The following CAMK2B variants were observed in gnomAD, a reference collection of about 807,000 sequenced individuals.
CAMK2B encodes the protein calcium/calmodulin-dependent protein kinase type II subunit beta.
CAMK2B carries 27 observed loss-of-function variants against 93.7 expected under a neutral mutation model. The observed-to-expected ratio is 0.29, with a 90% CI of 0.21 to 0.40. CAMK2B has a LOEUF of 0.40. Ranked by LOEUF, CAMK2B falls within the 10% of genes least tolerant of loss-of-function variation. The pLI is 1.00. For missense variants in CAMK2B, 568 were observed against 895.8 expected (o/e 0.63, Z 4.67); for synonymous variants, 374 against 358.8 (o/e 1.04, Z -0.48).
At chr7:44,283,260 G>A (rs1446092929) in intron 2 of CAMK2B, among the ~76,000 whole-genome samples, 1 of 152,202 alleles carries the variant, frequency 6.6e-6, no homozygotes, top group Non-Finnish European at 1.5e-5. Flanking sequence ...GCTGATTTTG[G>A]GTTTTGTTTG....
At chr7:44,240,020 G>A (rs2096661477) in intron 12 of CAMK2B, among the ~76,000 whole-genome samples, 1 of 152,172 alleles carries the variant, frequency 6.6e-6, no homozygotes, top group Admixed American at 6.5e-5. Flanking sequence ...GGCGGGTGGG[G>A]GGCACCAGAT....
rs1347627278 is a variant in CAMK2B at position 44,225,486 on chromosome 7, C to A, written c.1597+1030G>T. On this transcript the variant is annotated intron_variant, in intron 20 of 23. Transcript: ENST00000395749. The surrounding 1 kb of genome is among the most constrained non-coding windows in gnomAD (Gnocchi z 5.0). ...GGCCTCTCCCCTCAGCTGCTTGCCT[C>A]TGATCCCCTCAGTCAACCCCTGCTG... Among the ~76,000 whole-genome samples, 3 of 152,156 alleles carry A rather than the reference C, an allele frequency of 2.0e-5. No individual in the cohort carries two copies. The highest frequency in any genetic ancestry group is 4.4e-5 in the Non-Finnish European group (3 of 68,014).
intron 1 of CAMK2B, among the ~76,000 whole-genome samples, chr7:44,324,273 G>A (rs1796901186): frequency 6.6e-6 from 1 of 152,254 alleles, no homozygotes; most frequent in Non-Finnish European, 1.5e-5. Context: ...CACCGCCAGC[G>A]CCCCCACCGC....
Position 44,219,427 on chromosome 7 carries a change from A to G in CAMK2B, c.*98T>C, listed in dbSNP as rs1383571242. On this transcript the variant is annotated 3_prime_UTR_variant, in exon 24 of 24. Transcript: ENST00000395749. ...TGCAGACACAGGCACCAGGGGAGGGAACGAGGCAGACACAAACATGCGACA... is the reference window on the plus strand; with the variant it reads ...TGCAGACACAGGCACCAGGGGAGGGGACGAGGCAGACACAAACATGCGACA... The G allele has an allele frequency of 7.2e-6, 1 of 139,462 alleles. No individual in the cohort carries two copies. Among genetic ancestry groups the G allele is most frequent in the Non-Finnish European group, 1.5e-5 (1 of 66,012 alleles). 8.6% of individuals were successfully genotyped at this position (139,462 alleles called of 1,614,324 possible).
chr7:44,230,644 C>T (rs1370844320), intron 17 of CAMK2B, among the ~76,000 whole-genome samples: 3 of 152,230 alleles, frequency 2.0e-5, no homozygotes, highest in Non-Finnish European at 2.9e-5. Flanking sequence ...TGGACAGAAA[C>T]GCAAGCTTAA....
At chr7:44,287,316 C>T (rs1234030466) in intron 1 of CAMK2B, among the ~76,000 whole-genome samples, 1 of 152,136 alleles carries the variant, frequency 6.6e-6, no homozygotes. Context: ...AGTCTCCCAC[C>T]CCAGTTATTT....
intron 13 of CAMK2B, among the ~76,000 whole-genome samples, chr7:44,236,116 G>T (rs113933293): frequency 8.5e-4 from 130 of 152,340 alleles, no homozygotes; most frequent in African/African-American, 2.9e-3. Context: ...CGGTGGTTCT[G>T]ACGCTGGGTG....
intron 2 of CAMK2B, among the ~76,000 whole-genome samples, chr7:44,278,117 A>T (rs1273823501): frequency 6.6e-6 from 1 of 152,106 alleles, no homozygotes; most frequent in South Asian, 2.1e-4. Context: ...GGGCCTGGGG[A>T]GTTCCAGGCA....
At chr7:44,306,003 G>T (rs576131211) in intron 1 of CAMK2B, among the ~76,000 whole-genome samples, 2 of 152,260 alleles carry the variant, frequency 1.3e-5, no homozygotes, top group South Asian at 4.1e-4. Flanking sequence ...GGACTGCAAG[G>T]GGGGATGATG....
At chr7:44,295,055 T>A (rs1456679469) in intron 1 of CAMK2B, among the ~76,000 whole-genome samples, 4 of 152,176 alleles carry the variant, frequency 2.6e-5, no homozygotes, top group Non-Finnish European at 2.9e-5. Context: ...AGACCTGGGG[T>A]GAATTCTGGA....
chr7:44,261,926 G>T (rs2096882168), intron 3 of CAMK2B, among the ~76,000 whole-genome samples: 1 of 152,212 alleles, frequency 6.6e-6, no homozygotes. Flanking sequence ...CTCGTCAGGG[G>T]CTAAGCTGCA....
At chr7:44,296,536 T>C (rs764152553) in intron 1 of CAMK2B, among the ~76,000 whole-genome samples, 1 of 152,088 alleles carries the variant, frequency 6.6e-6, no homozygotes, top group Non-Finnish European at 1.5e-5. Context: ...TAATGTTGAC[T>C]GAGTCTTTCC....
chr7:44,290,674 T>G lies in CAMK2B; in HGVS notation c.66-6449A>C, dbSNP rs573430631. On this transcript the variant is annotated intron_variant, in intron 1 of 23. Transcript: ENST00000395749. Reference sequence around the variant, plus strand: ...GGCTTAAAAACACAGTTCCCAACTTTGATTAAAATGAGCTCTTGGGAGTGC... The same window carrying G: ...GGCTTAAAAACACAGTTCCCAACTTGGATTAAAATGAGCTCTTGGGAGTGC... Among the ~76,000 whole-genome samples the G allele has an allele frequency of 1.9e-4, 29 of 152,372 alleles. No individual in the cohort carries two copies. In the South Asian group the frequency reaches 5.6e-3, roughly 29 times the overall value.
intron 18 of CAMK2B, 178 bp from the exon 19 acceptor site, chr7:44,229,102 A>T (rs2096552250): frequency 2.8e-6 from 2 of 710,438 alleles, no homozygotes; most frequent in South Asian, 3.1e-5. Context: ...GCTGAGGTGG[A>T]GTGAGGCCTG....
At chr7:44,305,661 G>A (rs772810921) in intron 1 of CAMK2B, among the ~76,000 whole-genome samples, 4 of 152,158 alleles carry the variant, frequency 2.6e-5, no homozygotes, top group Non-Finnish European at 5.9e-5. Context: ...CACAGGACTT[G>A]AGCCAAGTAG....
intron 1 of CAMK2B, among the ~76,000 whole-genome samples, chr7:44,288,324 T>C (rs1785704737): frequency 6.6e-6 from 1 of 152,246 alleles, no homozygotes; most frequent in Admixed American, 6.5e-5. Flanking sequence ...AAAGAATGCC[T>C]TGGATGACAC....
rs2096977071 is a variant in CAMK2B at position 44,271,800 on chromosome 7, G to A, written c.161-8736C>T. 6.6e-6 allele frequency among the ~76,000 whole-genome samples: 1 copy of A among 152,258 alleles called. No individual in the cohort carries two copies. The highest frequency in any genetic ancestry group is 1.5e-5 in the Non-Finnish European group (1 of 68,044). On this transcript the variant is annotated intron_variant, in intron 2 of 23. Transcript: ENST00000395749. This position sits in a 1 kb window ranked among gnomAD's most constrained non-coding sequence, Gnocchi z 4.2. ...CCATCCAGTCTCAGGGTGCAGGCCG[G>A]TTTAGGGGCTGAAAGGAGGCCATGG...
At chr7:44,236,305 C>T (rs1050293159) in intron 13 of CAMK2B, among the ~76,000 whole-genome samples, 4 of 152,158 alleles carry the variant, frequency 2.6e-5, no homozygotes, top group African/African-American at 9.7e-5. Context: ...CTGCACGTGG[C>T]CCTGCGGACC....
At chr7:44,244,751 G>A (rs867845732) in intron 6 of CAMK2B, 14 of 317,008 alleles carry the variant, frequency 4.4e-5, no homozygotes, top group Middle Eastern at 1.1e-3. Flanking sequence ...CCACAGCCCC[G>A]AGCTGTGAGC....
Sources: gnomAD v4.1 joint callset for allele counts (sites outside exome capture counted in the v4.1 genomes callset) on GRCh38, gnomAD v4.1.1 for gene constraint, Gnocchi (gnomAD v3.1) non-coding constraint, MANE v1.5 for transcripts, NCBI Gene and HGNC (gene_info 2026-07-23, HGNC 2026-07-21) for gene names.